The following CTNNA1 variants were observed in gnomAD, a reference collection of about 807,000 sequenced individuals.
The protein encoded by CTNNA1 is catenin alpha-1.
CTNNA1 carries 37 observed loss-of-function variants against 98.4 expected under a neutral mutation model. That is an observed-to-expected ratio of 0.38 (90% CI 0.29 to 0.49). The LOEUF (loss-of-function observed/expected upper bound fraction) is 0.49. Among genes scored for constraint, CTNNA1 ranks in the 20% least tolerant of loss-of-function variants. The pLI is 0.95. For synonymous variants in CTNNA1, 404 were observed against 413.2 expected (o/e 0.98, Z 0.27); for missense variants, 761 against 1,147.2 (o/e 0.66, Z 4.86).
chr5:138,857,090 C>T (rs1325754003), intron 7 of CTNNA1, among the ~76,000 whole-genome samples: 1 of 152,158 alleles, frequency 6.6e-6, no homozygotes, highest in Non-Finnish European at 1.5e-5. Flanking sequence ...TTACCCTTTG[C>T]CTGCCCTTTA....
chr5:138,813,845 T>C (rs959347006), intron 5 of CTNNA1, among the ~76,000 whole-genome samples: 6 of 152,188 alleles, frequency 3.9e-5, no homozygotes, highest in Non-Finnish European at 7.3e-5. Context: ...CTTGAACTCC[T>C]GGGCTCAAGA....
chr5:138,875,611 G>A, intron 7 of CTNNA1: 1 of 985,464 alleles, frequency 1.0e-6, no homozygotes, highest in Non-Finnish European at 1.2e-6. Flanking sequence ...AGTTGGGTTA[G>A]CAGAGTGATG....
At chr5:138,857,695 C>T (rs1336167037) in intron 7 of CTNNA1, among the ~76,000 whole-genome samples, 1 of 152,148 alleles carries the variant, frequency 6.6e-6, no homozygotes, top group Non-Finnish European at 1.5e-5. Context: ...AAGCATGAAG[C>T]ATGGTACTGT....
At chr5:138,762,640 G>A (rs1273995015) in intron 1 of CTNNA1, among the ~76,000 whole-genome samples, 1 of 150,328 alleles carries the variant, frequency 6.7e-6, no homozygotes, top group Non-Finnish European at 1.5e-5. Context: ...TTTAATTTGT[G>A]GTTTTTTTTT....
intron 16 of CTNNA1, chr5:138,932,177 T>C: frequency 9.9e-7 from 1 of 1,007,552 alleles, no homozygotes; most frequent in Non-Finnish European, 1.2e-6. Context: ...ATCTGGACTT[T>C]TCTCCATAGC....
At chr5:138,828,842 C>G (rs942368469) in intron 7 of CTNNA1, among the ~76,000 whole-genome samples, 1 of 152,122 alleles carries the variant, frequency 6.6e-6, no homozygotes, top group African/African-American at 2.4e-5. Flanking sequence ...AGCCATTGCC[C>G]CCTGGGCATG....
At chr5:138,930,383 C>T (rs547311776) in intron 14 of CTNNA1, 90 bp from the exon 15 acceptor site, 2 of 926,180 alleles carry the variant, frequency 2.2e-6, no homozygotes, top group African/African-American at 1.7e-5. Context: ...ACCTATGCCA[C>T]AGATTGCCTG....
At chr5:138,819,416 GTTGT>G (rs1759786060) in intron 5 of CTNNA1, among the ~76,000 whole-genome samples, 1 of 152,230 alleles carries the variant, frequency 6.6e-6, no homozygotes. Flanking sequence ...GAATACTAGA[GTTGT>G]TTGGCCTGTA....
intron 1 of CTNNA1, among the ~76,000 whole-genome samples, chr5:138,776,939 G>A (rs1232441870): frequency 1.5e-5 from 2 of 129,946 alleles, no homozygotes; most frequent in Non-Finnish European, 3.4e-5. Flanking sequence ...GCGGCTGGCC[G>A]GGCGGGGGGC....
intron 7 of CTNNA1, among the ~76,000 whole-genome samples, chr5:138,882,355 G>A (rs577782663): frequency 1.5e-3 from 223 of 152,302 alleles, no homozygotes; most frequent in African/African-American, 5.1e-3. Flanking sequence ...ATGTGGGTGG[G>A]TCAGCATGGA....
intron 3 of CTNNA1, among the ~76,000 whole-genome samples, chr5:138,798,539 C>T (rs1007988600): frequency 5.3e-5 from 8 of 152,168 alleles, no homozygotes; most frequent in East Asian, 1.9e-4. Context: ...ATCCTTTCCC[C>T]GTAACTTTAT....
chr5:138,922,945 C>A (rs1451127387), intron 11 of CTNNA1, among the ~76,000 whole-genome samples: 1 of 149,524 alleles, frequency 6.7e-6, no homozygotes, highest in Admixed American at 6.6e-5. Context: ...AAAAAAAAAA[C>A]CGTAGAAGTA....
chr5:138,796,853 T>A (rs1212840199), intron 3 of CTNNA1, among the ~76,000 whole-genome samples: 1 of 152,240 alleles, frequency 6.6e-6, no homozygotes, highest in Non-Finnish European at 1.5e-5. Flanking sequence ...TTTTCTCTTT[T>A]GGATTTGGCA....
intron 7 of CTNNA1, among the ~76,000 whole-genome samples, chr5:138,866,894 ATT>A (rs893041441): frequency 6.6e-6 from 1 of 152,196 alleles, no homozygotes; most frequent in African/African-American, 2.4e-5. Context: ...GTAAAAGACA[ATT>A]TGTAGTACAT....
At chr5:138,875,055 C>A in intron 7 of CTNNA1, 1 of 748,486 alleles carries the variant, frequency 1.3e-6, no homozygotes, top group African/African-American at 1.8e-5. Context: ...TTGAATCCAC[C>A]AGGACGAGTT....
At chr5:138,887,455 G>A (rs1209859470) in intron 8 of CTNNA1, 35 bp from the exon 9 acceptor site, 1 of 1,519,370 alleles carries the variant, frequency 6.6e-7, no homozygotes, top group Non-Finnish European at 9.0e-7. Context: ...CTTTTTGGTA[G>A]AAATAAAATC....
At chr5:138,787,348 G>A (rs546293428) in intron 3 of CTNNA1, among the ~76,000 whole-genome samples, 83 of 152,280 alleles carry the variant, frequency 5.5e-4, no homozygotes, top group African/African-American at 1.9e-3. Context: ...AACCTGGGAG[G>A]CGGAGCTGGC....
chr5:138,840,724 A>G (rs1272818868), intron 7 of CTNNA1, among the ~76,000 whole-genome samples: 1 of 152,186 alleles, frequency 6.6e-6, no homozygotes, highest in Non-Finnish European at 1.5e-5. Flanking sequence ...GTTTTTATCC[A>G]TTCATTTTAC....
chr5:138,840,903 C>T (rs1762215894), intron 7 of CTNNA1, among the ~76,000 whole-genome samples: 1 of 152,126 alleles, frequency 6.6e-6, no homozygotes, highest in Non-Finnish European at 1.5e-5. Context: ...CTCTCCTCCC[C>T]TCATTAAATA....
Sources: gnomAD v4.1 joint callset for allele counts (sites outside exome capture counted in the v4.1 genomes callset) on GRCh38, gnomAD v4.1.1 for gene constraint, MANE v1.5 for transcripts, NCBI Gene and HGNC (gene_info 2026-07-23, HGNC 2026-07-21) for gene names.